Variants in TFPI2 observed in about 807,000 individuals in gnomAD.
The protein encoded by TFPI2 is placental protein 5.
Under a neutral mutation model 23.1 loss-of-function variants are expected in TFPI2, and 23 were observed. The observed-to-expected ratio is 1.00, with a 90% CI of 0.72 to 1.41. The LOEUF (loss-of-function observed/expected upper bound fraction) is 1.41. Ranked by LOEUF, TFPI2 falls within the 40% of genes most tolerant of loss-of-function variation. The pLI, the probability that TFPI2 is intolerant of heterozygous loss-of-function variation, is 0.00. For missense variants in TFPI2, 291 were observed against 299.6 expected, an observed-to-expected ratio of 0.97 and a Z score of 0.21; for synonymous variants, 119 against 111.7, an observed-to-expected ratio of 1.07 and a Z score of -0.41.
chr7:93,889,225 T>A lies in TFPI2; in HGVS notation c.272-2A>T. The A allele has an allele frequency of 6.3e-7, 1 of 1,577,530 alleles. No homozygotes were observed. The highest frequency in any genetic ancestry group is 8.6e-7 in the Non-Finnish European group (1 of 1,163,334). On this transcript the variant is annotated splice_acceptor_variant, in intron 2 of 4. Coordinates refer to ENST00000222543, the MANE Select transcript of TFPI2 (RefSeq NM_006528.4). LOFTEE classifies it high-confidence loss of function. The stretch of plus-strand genomic sequence containing the variant: ...GCAGCCGGCAAACTTTGGGAACTTC[T>A]AGGAAAAGGAGGGTAATAGAACAAT...
Position 93,890,220 on chromosome 7 carries a change from T to A in TFPI2, c.188A>T (p.Gln63Leu). 1 of 1,614,016 alleles carries A rather than the reference T, an allele frequency of 6.2e-7. No homozygotes were observed. Among genetic ancestry groups the A allele is most frequent in the East Asian group, 2.2e-5 (1 of 44,882 alleles). ...GCCCTCGCAGCCCCCGTACAGGAAC[T>A]GGCGGCAGCTCTGCGTGTACCTGTC... ...YYDRYTQSCR[Q>L]FLYGGCEGNA... Residue 63 changes from glutamine to leucine, a missense_variant, in exon 2 of 5, where the codon CAG becomes CTG. By Grantham distance (113) the Gln-to-Leu change is moderately radical (BLOSUM62 -2). Transcript: ENST00000222543.
At chr7:93,889,254 A>T (rs1353060414) in intron 2 of TFPI2, 31 bp from the exon 3 acceptor site, 20 of 1,524,134 alleles carry the variant, frequency 1.3e-5, no homozygotes, top group Non-Finnish European at 1.7e-5. Context: ...GAACAATGTT[A>T]GTCAAAAGTA....
chr7:93,890,656 C>T lies in TFPI2; in HGVS notation c.23G>A (p.Gly8Glu), dbSNP rs758084609. The T allele has an allele frequency of 3.1e-6, 5 of 1,612,994 alleles. No individual in the cohort carries two copies. The highest frequency in any genetic ancestry group is 3.4e-6 in the Non-Finnish European group (4 of 1,179,708). Residue 8 changes from glycine to glutamate, a missense_variant, in exon 1 of 5, where the codon GGG becomes GAG. Physicochemically the swap from Gly to Glu is moderately conservative, Grantham distance 98 (BLOSUM62 -2). Coordinates refer to ENST00000222543, the MANE Select transcript of TFPI2 (RefSeq NM_006528.4). Reference sequence around the variant, plus strand: ...CAGGAAAAGCAGCAGAATCGACAGCCCCAGGGGGCGAGCGGGGTCCATGGT... The same window carrying T: ...CAGGAAAAGCAGCAGAATCGACAGCTCCAGGGGGCGAGCGGGGTCCATGGT... MDPARPL[G>E]LSILLLFLTE...
intron 1 of TFPI2, 27 bp downstream of exon 1, chr7:93,890,562 GGA>G (rs755194302): frequency 6.2e-7 from 1 of 1,608,548 alleles, no homozygotes; most frequent in Admixed American, 1.7e-5. Context: ...CGCCGGTTGG[GGA>G]GAGAAGCTCC....
Position 93,886,885 on chromosome 7 carries a change from T to A in TFPI2, c.643A>T (p.Lys215Ter). The A allele has an allele frequency of 6.5e-7, 1 of 1,549,378 alleles. No individual in the cohort carries two copies. The highest frequency in any genetic ancestry group is 8.6e-7 in the Non-Finnish European group (1 of 1,162,586). Residue 215 changes from lysine to a stop codon, truncating the protein, a stop_gained, in exon 5 of 5, where the codon AAA becomes TAA. Transcript: ENST00000222543. LOFTEE classifies it low-confidence loss of function (END_TRUNC). ...AAGCGAAGCTTTGGCATCTTCTTTT[T>A]CTTTTTCAAAGCTAAAATCAATAAA... ...KRACAKALKKKKKMPKLRFAS... is the reference protein window; with the variant it reads ...KRACAKALKK
intron 1 of TFPI2, 32 bp downstream of exon 1, chr7:93,890,559 T>A (rs766142183): frequency 1.2e-4 from 198 of 1,606,164 alleles, no homozygotes; most frequent in Non-Finnish European, 1.6e-4. Context: ...CTCCGCCGGT[T>A]GGGGAGAGAA....
chr7:93,888,687 C>T (rs1436682414), intron 3 of TFPI2, among the ~76,000 whole-genome samples: 3 of 151,156 alleles, frequency 2.0e-5, no homozygotes, highest in African/African-American at 7.3e-5. Context: ...ATTAGCTGGG[C>T]ATGGTGGCGG....
chr7:93,887,196 T>C, intron 4 of TFPI2, 65 bp downstream of exon 4: 1 of 1,458,776 alleles, frequency 6.9e-7, no homozygotes, highest in South Asian at 1.4e-5. Context: ...TAAATAAAAA[T>C]ATAATTTTTC....
Position 93,890,263 on chromosome 7 carries a change from G to A in TFPI2, c.145C>T (p.Leu49Phe), listed in dbSNP as rs892222373. 1.2e-6 allele frequency: 2 copies of A among 1,613,898 alleles called. No homozygotes were observed. Among genetic ancestry groups the A allele is most frequent in the African/African-American group, 2.7e-5 (2 of 75,080 alleles). ...PLDYGPCRAL[L>F]LRYYYDRYTQ... ...TACCTGTCGTAGTAGTAACGGAGAA[G>A]TAGGGCCCGGCAGGGTCCGTAGTCT... Residue 49 changes from leucine to phenylalanine, a missense_variant, in exon 2 of 5, where the codon CTT (leucine) becomes TTT (phenylalanine). Transcript: ENST00000222543.
chr7:93,888,655 GAGA>G (rs1794061047), intron 3 of TFPI2, among the ~76,000 whole-genome samples: 6 of 136,718 alleles, frequency 4.4e-5, no homozygotes, highest in Admixed American at 2.2e-4. Context: ...GAAAGAGAAA[GAGA>G]AAGAAGAAAA....
In TFPI2 at chr7:93,887,443, A is replaced by G. The variant is rs1242475514; in HGVS notation, c.461-12T>C. On this transcript the variant is annotated splice_polypyrimidine_tract_variant and intron_variant, in intron 3 of 4. Transcript: ENST00000222543. ...GCAAAATGATGGAACTTTATAAAAA[A>G]GAGAAGAAAATTAGAAATGTTATAA... is the stretch of plus-strand genomic sequence containing the variant. 3 of 1,599,470 alleles carry G rather than the reference A, an allele frequency of 1.9e-6. No individual in the cohort carries two copies. The highest frequency in any genetic ancestry group is 2.3e-5 in the South Asian group (2 of 87,194).
chr7:93,886,208 T>C lies in TFPI2; in HGVS notation c.*612A>G, dbSNP rs1005653571. 2.0e-5 allele frequency: 3 copies of C among 152,050 alleles called. 1 individual carries two copies. The highest frequency in any genetic ancestry group is 2.0e-4 in the Admixed American group (3 of 15,270). The allele number at this position is 152,050 out of a possible 1,614,324, so 9.4% of individuals were successfully genotyped here. ...ATGTGAGTGGGGATTGGTAGATAAA[T>C]AGATAGAAATTGCTTTCCCAGAGGA... On this transcript the variant is annotated 3_prime_UTR_variant, in exon 5 of 5. Transcript: ENST00000222543.
intron 4 of TFPI2, 68 bp from the exon 5 acceptor site, chr7:93,886,964 T>G (rs1794005048): frequency 1.7e-6 from 2 of 1,188,102 alleles, no homozygotes; most frequent in Non-Finnish European, 2.3e-6. Flanking sequence ...AAATCACTAT[T>G]TCTGATAAGG....
intron 4 of TFPI2, among the ~76,000 whole-genome samples, 177 bp downstream of exon 4, chr7:93,887,084 T>C (rs1254408308): frequency 6.6e-6 from 1 of 152,200 alleles, no homozygotes; most frequent in Admixed American, 6.5e-5. Context: ...TACCGTCTAC[T>C]GCAGCTAGCC....
Position 93,887,427 on chromosome 7 carries a change from T to C in TFPI2, c.465A>G (p.Pro155=), listed in dbSNP as rs923260998. 1.1e-5 allele frequency: 18 copies of C among 1,603,690 alleles called. No homozygotes were observed. Among genetic ancestry groups the C allele is most frequent in the Non-Finnish European group, 1.5e-5 (18 of 1,177,072 alleles). ...CMGFCAPKKI[P]SFCYSPKDEG... ...CATCTTTTGGACTGTAGCAAAATGATGGAACTTTATAAAAAAGAGAAGAAA... is the reference window on the plus strand; with the variant it reads ...CATCTTTTGGACTGTAGCAAAATGACGGAACTTTATAAAAAAGAGAAGAAA... Residue 155 remains proline (P), a synonymous_variant, in exon 4 of 5, where the codon CCA becomes CCG. Coordinates refer to ENST00000222543, the MANE Select transcript of TFPI2 (RefSeq NM_006528.4).
intron 3 of TFPI2, among the ~76,000 whole-genome samples, chr7:93,888,156 T>G (rs1031817458): frequency 2.6e-5 from 4 of 152,168 alleles, no homozygotes; most frequent in African/African-American, 9.7e-5. Context: ...TGTGGAGATG[T>G]TTGTGCTGCA....
chr7:93,888,607 GAGAA>G (rs1794058090), intron 3 of TFPI2, among the ~76,000 whole-genome samples: 2 of 140,258 alleles, frequency 1.4e-5, no homozygotes, highest in African/African-American at 2.8e-5. Context: ...AAGAAAGAAA[GAGAA>G]AAAGAAAGGA....
intron 2 of TFPI2, among the ~76,000 whole-genome samples, chr7:93,889,469 T>C (rs1450377907): frequency 2.0e-5 from 3 of 152,196 alleles, no homozygotes; most frequent in African/African-American, 7.2e-5. Flanking sequence ...TCTCTGGGTG[T>C]TCTCTGATTG....
intron 1 of TFPI2, 63 bp downstream of exon 1, chr7:93,890,528 C>T: frequency 6.5e-7 from 1 of 1,548,284 alleles, no homozygotes; most frequent in Non-Finnish European, 8.7e-7. Flanking sequence ...CTACACGGGG[C>T]CCCATGGCCC....
Sources: gnomAD v4.1 joint callset for allele counts (sites outside exome capture counted in the v4.1 genomes callset) on GRCh38, gnomAD v4.1.1 for gene constraint, MANE v1.5 for transcripts, NCBI Gene and HGNC (gene_info 2026-07-23, HGNC 2026-07-21) for gene names.